The following IL20RB variants were observed in gnomAD, a reference collection of about 807,000 sequenced individuals.
IL20RB encodes the protein interleukin 20 receptor subunit beta.
In IL20RB, 21 loss-of-function variants were observed where a neutral mutation model predicts 33.3. The ratio of observed to expected loss-of-function variants is 0.63; its 90% CI spans 0.45 to 0.91. The LOEUF (loss-of-function observed/expected upper bound fraction) is 0.91. Ranked by LOEUF, IL20RB falls within the 40% of genes least tolerant of loss-of-function variation. The pLI is 0.00. For synonymous variants in IL20RB, 147 were observed against 146.8 expected (o/e 1.00, Z -0.01); for missense variants, 345 against 384.8 (o/e 0.90, Z 0.86).
intron 1 of IL20RB, 39 bp downstream of exon 1, chr3:136,958,240 T>C: frequency 7.6e-7 from 1 of 1,313,300 alleles, no homozygotes. Flanking sequence ...GTTTGGGCCT[T>C]GAATATAGGT....
intron 3 of IL20RB, among the ~76,000 whole-genome samples, chr3:136,988,197 C>G: frequency 6.6e-6 from 1 of 152,208 alleles, no homozygotes; most frequent in Non-Finnish European, 1.5e-5. Flanking sequence ...ATGCCCCACC[C>G]CTTTCCAATC....
chr3:136,988,600 G>A (rs1169351453), intron 3 of IL20RB, among the ~76,000 whole-genome samples: 1 of 152,052 alleles, frequency 6.6e-6, no homozygotes, highest in Admixed American at 6.6e-5. Flanking sequence ...AACATTAGCT[G>A]AGTGCGGTGA....
chr3:136,985,580 G>A (rs773158205), intron 3 of IL20RB, among the ~76,000 whole-genome samples: 3 of 151,954 alleles, frequency 2.0e-5, no homozygotes, highest in Non-Finnish European at 4.4e-5. Context: ...CAGGTGATCC[G>A]CCCACCTCAG....
chr3:136,995,132 G>A (rs1261972154), intron 5 of IL20RB, among the ~76,000 whole-genome samples: 1 of 152,226 alleles, frequency 6.6e-6, no homozygotes, highest in Non-Finnish European at 1.5e-5. Context: ...TGCTAACACA[G>A]CAATTGGCTT....
At chr3:137,007,216 G>A (rs1942366756) in intron 6 of IL20RB, among the ~76,000 whole-genome samples, 1 of 152,038 alleles carries the variant, frequency 6.6e-6, no homozygotes, top group East Asian at 1.9e-4. Flanking sequence ...CTACTGGGAG[G>A]TGTCTCCCAG....
intron 6 of IL20RB, among the ~76,000 whole-genome samples, chr3:137,009,439 A>G (rs897661004): frequency 6.6e-6 from 1 of 152,174 alleles, no homozygotes; most frequent in Non-Finnish European, 1.5e-5. Flanking sequence ...TTTATGGAAC[A>G]TCCTCTCTGT....
chr3:136,973,534 T>A (rs73231989), intron 1 of IL20RB, among the ~76,000 whole-genome samples: 17,916 of 152,202 alleles, frequency 0.12, 1,123 homozygotes, highest in East Asian at 0.2. Context: ...ATATATATTC[T>A]GCAGTTGTTG....
At chr3:136,974,722 T>C (rs569414408) in intron 1 of IL20RB, among the ~76,000 whole-genome samples, 2 of 152,360 alleles carry the variant, frequency 1.3e-5, no homozygotes, top group African/African-American at 4.8e-5. Context: ...TTAGTCCTTC[T>C]GTTCTTTCTT....
At chr3:137,007,330 G>A (rs1942369219) in intron 6 of IL20RB, among the ~76,000 whole-genome samples, 1 of 152,158 alleles carries the variant, frequency 6.6e-6, no homozygotes, top group Non-Finnish European at 1.5e-5. Flanking sequence ...AGAGCTGTCA[G>A]ACAGGGACGT....
At chr3:136,978,114 G>A (rs758942218) in intron 1 of IL20RB, among the ~76,000 whole-genome samples, 20 of 150,924 alleles carry the variant, frequency 1.3e-4, no homozygotes, top group Admixed American at 4.6e-4. Flanking sequence ...TTATCAAGTT[G>A]TGGTAACTCC....
chr3:136,987,154 C>T (rs1395404947), intron 3 of IL20RB, among the ~76,000 whole-genome samples: 3 of 151,460 alleles, frequency 2.0e-5, no homozygotes, highest in African/African-American at 4.8e-5. Flanking sequence ...GCTCGGGCAG[C>T]CTGCTTTTAT....
chr3:136,983,940 G>A (rs750430364), intron 3 of IL20RB, among the ~76,000 whole-genome samples: 1 of 152,162 alleles, frequency 6.6e-6, no homozygotes, highest in Non-Finnish European at 1.5e-5. Flanking sequence ...GGGCTCAAGC[G>A]ATCCTCCTGC....
intron 1 of IL20RB, among the ~76,000 whole-genome samples, chr3:136,963,707 T>A (rs1270129033): frequency 8.8e-6 from 1 of 113,962 alleles, no homozygotes; most frequent in Non-Finnish European, 1.8e-5. Flanking sequence ...TTTTTTTTTA[T>A]TATACTCTAA....
At chr3:136,975,701 G>A (rs1941600071) in intron 1 of IL20RB, among the ~76,000 whole-genome samples, 1 of 152,184 alleles carries the variant, frequency 6.6e-6, no homozygotes. Context: ...TTCATCAGTG[G>A]GTTAGGGTAC....
chr3:136,984,074 A>C (rs969283221), intron 3 of IL20RB, among the ~76,000 whole-genome samples: 20 of 152,192 alleles, frequency 1.3e-4, no homozygotes, highest in African/African-American at 4.3e-4. Context: ...CCTGAGCTTA[A>C]GTGATCCTCT....
chr3:137,006,579 A>G (rs1331060280), intron 6 of IL20RB, among the ~76,000 whole-genome samples: 3 of 152,060 alleles, frequency 2.0e-5, no homozygotes, highest in African/African-American at 7.3e-5. Context: ...AAGCTTGTGC[A>G]TGCGTCATGA....
intron 1 of IL20RB, among the ~76,000 whole-genome samples, chr3:136,971,862 T>G (rs1371532922): frequency 6.6e-6 from 1 of 152,142 alleles, no homozygotes; most frequent in East Asian, 1.9e-4. Context: ...AGTAGTGGGG[T>G]GGCTGGATGG....
Position 136,961,897 on chromosome 3 carries a change from G to A in IL20RB, c.88+3696G>A, listed in dbSNP as rs188366489. 6.3e-3 allele frequency among the ~76,000 whole-genome samples: 963 copies of A among 152,152 alleles called. 6 individuals carry two copies. Among genetic ancestry groups the A allele is most frequent in the Non-Finnish European group, 9.9e-3 (676 of 67,996 alleles). ...TTAATAAAAATAACATGAGTAAAAC[G>A]GGTGGGAACAAGTTAAAAGGGCACA... On this transcript the variant is annotated intron_variant, in intron 1 of 6. Coordinates refer to ENST00000329582, the MANE Select transcript of IL20RB (RefSeq NM_144717.4).
chr3:136,960,781 G>T (rs1941197952), intron 1 of IL20RB, among the ~76,000 whole-genome samples: 1 of 152,156 alleles, frequency 6.6e-6, no homozygotes, highest in Non-Finnish European at 1.5e-5. Flanking sequence ...ATATATCTCT[G>T]CAGAAAAAGC....
Sources: gnomAD v4.1 joint callset for allele counts (sites outside exome capture counted in the v4.1 genomes callset) on GRCh38, gnomAD v4.1.1 for gene constraint, MANE v1.5 for transcripts, NCBI Gene and HGNC (gene_info 2026-07-23, HGNC 2026-07-21) for gene names.